FAM168A: variants seen among roughly 807,000 people sequenced by gnomAD.
The protein encoded by FAM168A is protein FAM168A.
Under a neutral mutation model 28.5 loss-of-function variants are expected in FAM168A, and 3 were observed. The ratio of observed to expected loss-of-function variants is 0.11; its 90% CI spans 0.05 to 0.27. The LOEUF is 0.27. Among genes scored for constraint, FAM168A ranks in the 10% least tolerant of loss-of-function variants. The pLI, the probability that FAM168A is intolerant of heterozygous loss-of-function variation, is 1.00. For synonymous variants in FAM168A, 122 were observed against 124.2 expected, an observed-to-expected ratio of 0.98 and a Z score of 0.12; for missense variants, 222 against 311.5, an observed-to-expected ratio of 0.71 and a Z score of 2.16.
At chr11:73,454,669 C>T (rs1867495214) in intron 2 of FAM168A, among the ~76,000 whole-genome samples, 1 of 152,222 alleles carries the variant, frequency 6.6e-6, no homozygotes, top group South Asian at 2.1e-4. Context: ...CCCACCCCAT[C>T]CTGTGCCTAT....
chr11:73,492,675 C>A (rs578130250), intron 1 of FAM168A, among the ~76,000 whole-genome samples: 197 of 152,224 alleles, frequency 1.3e-3, no homozygotes, highest in Non-Finnish European at 2.2e-3. Context: ...TTTAATGATA[C>A]TCTGCTCTGG....
chr11:73,566,733 C>T (rs533470732), intron 1 of FAM168A, among the ~76,000 whole-genome samples: 1 of 152,254 alleles, frequency 6.6e-6, no homozygotes, highest in South Asian at 2.1e-4. Flanking sequence ...TGTTTTCTAT[C>T]AGGTACAATA....
intron 2 of FAM168A, among the ~76,000 whole-genome samples, chr11:73,433,840 C>CTTTTTTTTT (rs34260175): frequency 4.8e-5 from 4 of 83,336 alleles, no homozygotes; most frequent in African/African-American, 5.4e-5. Flanking sequence ...AGGGTAGGCC[C>CTTTTTTTTT]TTTTTTTTTT....
chr11:73,444,789 T>C (rs1259275368), intron 2 of FAM168A, among the ~76,000 whole-genome samples: 1 of 152,218 alleles, frequency 6.6e-6, no homozygotes, highest in Non-Finnish European at 1.5e-5. Flanking sequence ...GTACATAGCA[T>C]ATACTCTCAT....
chr11:73,448,161 C>T (rs933507172), intron 2 of FAM168A, among the ~76,000 whole-genome samples: 1 of 152,172 alleles, frequency 6.6e-6, no homozygotes, highest in Non-Finnish European at 1.5e-5. Context: ...AATTCTCCTG[C>T]GTTAGCCTCC....
In FAM168A at chr11:73,402,574, A is replaced by T. The variant is rs1360596671; in HGVS notation, c.*4189T>A. 1 of 152,170 alleles carries T rather than the reference A, an allele frequency of 6.6e-6. No homozygotes were observed. Among genetic ancestry groups the T allele is most frequent in the Non-Finnish European group, 1.5e-5 (1 of 68,042 alleles). The allele number at this position is 152,170 out of a possible 1,614,324, so 9.4% of individuals were successfully genotyped here. A position where few individuals can be genotyped will look rare whatever the true frequency, so the allele number is the denominator to read the frequency against. On this transcript the variant is annotated 3_prime_UTR_variant, in exon 8 of 8. Transcript: ENST00000356467. ...CAGAGTCTGGTTCTGGTCCTCACCC[A>T]TGGGAAAAGCAAGCCCAGGGACTTC...
intron 4 of FAM168A, among the ~76,000 whole-genome samples, chr11:73,415,979 A>G (rs1161435377): frequency 6.6e-6 from 1 of 152,224 alleles, no homozygotes; most frequent in Admixed American, 6.5e-5. Flanking sequence ...ACATCAGTAC[A>G]CAGCTAGGCC....
chr11:73,412,071 C>A (rs973414429), intron 4 of FAM168A, among the ~76,000 whole-genome samples: 3 of 152,146 alleles, frequency 2.0e-5, no homozygotes, highest in Non-Finnish European at 4.4e-5. Context: ...CTCCCCTCCC[C>A]ACCAAGTTTG....
At chr11:73,595,562 AC>A (rs1014459422) in intron 1 of FAM168A, among the ~76,000 whole-genome samples, 1 of 152,076 alleles carries the variant, frequency 6.6e-6, no homozygotes, top group African/African-American at 2.4e-5. Context: ...ACATATTATC[AC>A]AGTTAATGCA....
intron 1 of FAM168A, among the ~76,000 whole-genome samples, chr11:73,486,757 C>T (rs1868058696): frequency 6.6e-6 from 1 of 152,136 alleles, no homozygotes; most frequent in South Asian, 2.1e-4. Flanking sequence ...TAAGTTCTAA[C>T]ACATTCATCA....
chr11:73,514,514 G>T (rs185397805), intron 1 of FAM168A, among the ~76,000 whole-genome samples: 86 of 152,280 alleles, frequency 5.6e-4, no homozygotes, highest in Middle Eastern at 3.4e-3. Flanking sequence ...ACTTCTGTCT[G>T]TACAACACTT....
chr11:73,445,289 C>T (rs1030476034), intron 2 of FAM168A, among the ~76,000 whole-genome samples: 3 of 151,478 alleles, frequency 2.0e-5, no homozygotes, highest in Admixed American at 2.0e-4. Flanking sequence ...TATTATCGGT[C>T]GGACATTAGA....
chr11:73,423,258 A>C (rs559424512), intron 3 of FAM168A, among the ~76,000 whole-genome samples: 1 of 152,200 alleles, frequency 6.6e-6, no homozygotes, highest in South Asian at 2.1e-4. Flanking sequence ...TCTGAACTAC[A>C]CTACTGCAAC....
chr11:73,423,493 C>T (rs1238105813), intron 3 of FAM168A, among the ~76,000 whole-genome samples: 1 of 152,198 alleles, frequency 6.6e-6, no homozygotes, highest in Non-Finnish European at 1.5e-5. Context: ...AATCTCCAGC[C>T]CATACTACAG....
chr11:73,408,993 C>G (rs1244653986), intron 6 of FAM168A, among the ~76,000 whole-genome samples: 2 of 152,090 alleles, frequency 1.3e-5, no homozygotes, highest in African/African-American at 4.8e-5. Context: ...GACCTACTTG[C>G]TTCCAGATCA....
intron 1 of FAM168A, among the ~76,000 whole-genome samples, chr11:73,571,669 C>T (rs936921666): frequency 2.0e-5 from 3 of 152,176 alleles, no homozygotes; most frequent in African/African-American, 4.8e-5. Context: ...ACCACCACTC[C>T]GTCTGGGAAG....
At chr11:73,502,803 C>T (rs929394780) in intron 1 of FAM168A, among the ~76,000 whole-genome samples, 3 of 152,196 alleles carry the variant, frequency 2.0e-5, no homozygotes, top group Non-Finnish European at 4.4e-5. Flanking sequence ...TTATCCACCA[C>T]GATCAAGTCG....
At chr11:73,442,422 G>A (rs962029594) in intron 2 of FAM168A, among the ~76,000 whole-genome samples, 4 of 152,010 alleles carry the variant, frequency 2.6e-5, no homozygotes, top group East Asian at 1.9e-4. Context: ...CACCGCGCCC[G>A]GCCTCTTCTT....
chr11:73,462,019 T>C (rs527599918), intron 2 of FAM168A, among the ~76,000 whole-genome samples: 2 of 151,828 alleles, frequency 1.3e-5, no homozygotes, highest in Non-Finnish European at 2.9e-5. Flanking sequence ...CACAAGGGAG[T>C]ATGTAAAATG....
Sources: gnomAD v4.1 joint callset for allele counts (sites outside exome capture counted in the v4.1 genomes callset) on GRCh38, gnomAD v4.1.1 for gene constraint, MANE v1.5 for transcripts, NCBI Gene and HGNC (gene_info 2026-07-23, HGNC 2026-07-21) for gene names.